Variants in TACC1 observed in about 807,000 individuals in gnomAD.
TACC1 encodes the protein transforming acidic coiled-coil containing protein 1, also known as transforming acidic coiled-coil-containing protein 1.
In TACC1, 48 loss-of-function variants were observed where a neutral mutation model predicts 84.4. The observed-to-expected ratio is 0.57, with a 90% CI of 0.45 to 0.72. TACC1 has a LOEUF of 0.72. Among genes scored for constraint, TACC1 ranks in the 30% least tolerant of loss-of-function variants. The pLI is 0.00. For synonymous variants in TACC1, 372 were observed against 376.3 expected (o/e 0.99, Z 0.13); for missense variants, 920 against 973.0 (o/e 0.95, Z 0.72).
chr8:38,838,651 A>G, intron 8 of TACC1, 105 bp downstream of exon 8: 3 of 930,304 alleles, frequency 3.2e-6, no homozygotes, highest in Non-Finnish European at 5.1e-6. Flanking sequence ...CCAAGTGTTG[A>G]GAGCTTGAGG....
At chr8:38,788,552 G>C in intron 1 of TACC1, 152 bp from the exon 2 acceptor site, 1 of 598,168 alleles carries the variant, frequency 1.7e-6, no homozygotes, top group East Asian at 2.9e-5. Context: ...AGAGACCGCA[G>C]TTGCCTCCCG....
In TACC1 at chr8:38,788,732, C is replaced by T. The variant is rs1228430000; in HGVS notation, c.190C>T (p.Pro64Ser). The T allele has an allele frequency of 3.7e-6, 6 of 1,613,876 alleles. No homozygotes were observed. Among genetic ancestry groups the T allele is most frequent in the Admixed American group, 1.7e-5 (1 of 59,974 alleles). Residue 64 changes from proline to serine, a missense_variant, in exon 2 of 13, where the codon CCT becomes TCT. Around this residue, in one of 2 missense-constraint regions of TACC1, gnomAD observed 762 missense variants for 747.3 expected, o/e 1.02. Transcript: ENST00000317827. ...SSDSEGNFETPEAETPIRSPF... is the reference protein window; with the variant it reads ...SSDSEGNFETSEAETPIRSPF... ...GGATTCTGAAGGTAATTTTGAGACT[C>T]CTGAAGCTGAAACCCCGATCCGATC...
At chr8:38,794,887 A>T (rs1220782889) in intron 2 of TACC1, among the ~76,000 whole-genome samples, 1 of 152,166 alleles carries the variant, frequency 6.6e-6, no homozygotes, top group East Asian at 1.9e-4. Flanking sequence ...TCGCAGCCTA[A>T]TGCTTTTAAT....
chr8:38,804,306 T>G (rs1329460386), intron 2 of TACC1, among the ~76,000 whole-genome samples: 1 of 152,158 alleles, frequency 6.6e-6, no homozygotes, highest in Non-Finnish European at 1.5e-5. Flanking sequence ...GCAATTTTTT[T>G]TTTTCTTTTT....
At chr8:38,775,495 C>A (rs1365534248) in intron 3 of TACC1, among the ~76,000 whole-genome samples, 1 of 152,180 alleles carries the variant, frequency 6.6e-6, no homozygotes, top group African/African-American at 2.4e-5. Context: ...AAGGGACCAG[C>A]AGATTCCACA....
intron 3 of TACC1, among the ~76,000 whole-genome samples, chr8:38,775,814 A>G (rs1214843214): frequency 6.6e-6 from 1 of 152,260 alleles, no homozygotes; most frequent in African/African-American, 2.4e-5. Context: ...CAGAAAACAC[A>G]TAAGATATTC....
In TACC1 at chr8:38,850,248, T is replaced by G. The variant is rs1445231351; in HGVS notation, c.*2225T>G. Reference sequence around the variant, plus strand: ...GTTAAGTGATAATTGTCCTGGCCTCTCAGCCATGACCGTTATGAGGAAATA... The same window carrying G: ...GTTAAGTGATAATTGTCCTGGCCTCGCAGCCATGACCGTTATGAGGAAATA... On this transcript the variant is annotated 3_prime_UTR_variant, in exon 13 of 13. Coordinates refer to ENST00000317827, the MANE Select transcript of TACC1 (RefSeq NM_006283.3). 6.6e-6 allele frequency: 1 copy of G among 152,308 alleles called. No homozygotes were observed. Among genetic ancestry groups the G allele is most frequent in the African/African-American group, 2.4e-5 (1 of 41,460 alleles). 9.4% of individuals were successfully genotyped at this position (152,308 alleles called of 1,614,324 possible).
chr8:38,817,153 A>T (rs1273169959), intron 2 of TACC1, among the ~76,000 whole-genome samples: 1 of 152,212 alleles, frequency 6.6e-6, no homozygotes, highest in Non-Finnish European at 1.5e-5. Flanking sequence ...ACTTAAAAGG[A>T]GTGATAACTA....
rs1157337665 is a variant in TACC1, at chr8:38,851,625, G to C, written c.*3602G>C. The stretch of plus-strand genomic sequence containing the variant: ...TCATTATAATTGGTAGCCATCTCAT[G>C]AACTGTCTCTGACTGTTGTCTCTTT... On this transcript the variant is annotated 3_prime_UTR_variant, in exon 13 of 13. Coordinates refer to ENST00000317827, the MANE Select transcript of TACC1 (RefSeq NM_006283.3). 4.6e-6 allele frequency: 1 copy of C among 216,326 alleles called. No homozygotes were observed. Among genetic ancestry groups the C allele is most frequent in the African/African-American group, 2.3e-5 (1 of 43,064 alleles). The allele number at this position is 216,326 out of a possible 1,614,324, so 13.4% of individuals were successfully genotyped here.
chr8:38,787,340 C>T lies in TACC1; in HGVS notation c.-243C>T. ...ACGGGCGTCTTCCCGGCTAGTGGAG[C>T]CCGGCGCGGGGCCCGCTGCGGCCGC... On this transcript the variant is annotated 5_prime_UTR_variant, in exon 1 of 13. Transcript: ENST00000317827. 7.7e-7 allele frequency: 1 copy of T among 1,292,498 alleles called. No homozygotes were observed. Among genetic ancestry groups the T allele is most frequent in the Non-Finnish European group, 9.8e-7 (1 of 1,022,448 alleles). 80.1% of individuals were successfully genotyped at this position (1,292,498 alleles called of 1,614,324 possible).
At position 38,848,062 on chromosome 8, in the gene TACC1, T is replaced by G; in HGVS notation, c.*39T>G. Reference sequence around the variant, plus strand: ...TTAGCTCAACAGATCTGCATTTGGCTGCTTCTCTTGTGACCACAATTATCT... The same window carrying G: ...TTAGCTCAACAGATCTGCATTTGGCGGCTTCTCTTGTGACCACAATTATCT... On this transcript the variant is annotated 3_prime_UTR_variant, in exon 13 of 13. Coordinates refer to ENST00000317827, the MANE Select transcript of TACC1 (RefSeq NM_006283.3). 6.3e-7 allele frequency: 1 copy of G among 1,575,562 alleles called. No homozygotes were observed. The highest frequency in any genetic ancestry group is 8.7e-7 in the Non-Finnish European group (1 of 1,150,070).
intron 3 of TACC1, among the ~76,000 whole-genome samples, chr8:38,823,238 T>C (rs552878740): frequency 6.6e-6 from 1 of 152,184 alleles, no homozygotes; most frequent in Non-Finnish European, 1.5e-5. Context: ...GAGTGAAATG[T>C]CATTAGTAGC....
rs1457807027 is a variant in TACC1, at chr8:38,787,438, C to T, written c.-145C>T. The stretch of plus-strand genomic sequence containing the variant: ...GGAGGAAGCGCTCCACCAGGGCCCC[C>T]GACGGCACTCGTTTAACCACATCCG... On this transcript the variant is annotated 5_prime_UTR_variant, in exon 1 of 13. Transcript: ENST00000317827. 1.5e-6 allele frequency: 2 copies of T among 1,358,046 alleles called. No homozygotes were observed. The highest frequency in any genetic ancestry group is 1.9e-6 in the Non-Finnish European group (2 of 1,061,522). The allele number at this position is 1,358,046 out of a possible 1,614,324, so 84.1% of individuals were successfully genotyped here.
chr8:38,787,939 GT>G (rs1489739568), intron 1 of TACC1, among the ~76,000 whole-genome samples, 196 bp downstream of exon 1: 1 of 152,178 alleles, frequency 6.6e-6, no homozygotes, highest in Non-Finnish European at 1.5e-5. Context: ...TCTGGCCCCC[GT>G]TTCGCTAGGA....
intron 3 of TACC1, among the ~76,000 whole-genome samples, chr8:38,747,917 T>C (rs895098949): frequency 1.3e-5 from 2 of 152,098 alleles, no homozygotes; most frequent in African/African-American, 4.8e-5. Flanking sequence ...CACTCTGGTA[T>C]GGGATGTTGA....
At chr8:38,831,557 G>A (rs1588076307) in intron 6 of TACC1, among the ~76,000 whole-genome samples, 2 of 152,254 alleles carry the variant, frequency 1.3e-5, no homozygotes, top group South Asian at 4.1e-4. Flanking sequence ...GTACAGTGGT[G>A]CAATCTTGGC....
chr8:38,791,332 T>A (rs142964431), intron 2 of TACC1, among the ~76,000 whole-genome samples: 3 of 152,306 alleles, frequency 2.0e-5, no homozygotes, highest in African/African-American at 7.2e-5. Flanking sequence ...GAATGCAGAC[T>A]GTAATTGTAG....
chr8:38,747,850 C>T (rs13269340), intron 3 of TACC1, among the ~76,000 whole-genome samples: 30,129 of 152,004 alleles, frequency 0.2, 3,457 homozygotes, highest in African/African-American at 0.32. Context: ...ATGTAAACTA[C>T]GGACTTTGGA....
intron 11 of TACC1, 75 bp from the exon 12 acceptor site, chr8:38,846,624 G>A: frequency 1.3e-6 from 2 of 1,571,568 alleles, no homozygotes; most frequent in Non-Finnish European, 8.7e-7. Context: ...TCAGTGGTTA[G>A]TATCCTGACT....
Sources: allele counts gnomAD v4.1 joint callset (sites outside exome capture counted in the v4.1 genomes callset), GRCh38; gene constraint gnomAD v4.1.1; regional missense constraint gnomAD v4.1.1; transcripts MANE v1.5; gene names NCBI Gene and HGNC (gene_info 2026-07-23, HGNC 2026-07-21).